Variants in HK1 observed in about 807,000 individuals in gnomAD.
HK1 encodes the protein hexokinase-1.
Under a neutral mutation model 91.6 loss-of-function variants are expected in HK1, and 28 were observed. The observed-to-expected ratio is 0.31, with a 90% CI of 0.23 to 0.42. The LOEUF is 0.42. HK1 is among the 10% of genes least tolerant of loss of function. The pLI is 1.00. For synonymous variants in HK1, 430 were observed against 468.1 expected (o/e 0.92, Z 1.05); for missense variants, 770 against 1,219.8 (o/e 0.63, Z 5.49).
chr10:69,332,385 T>TCTTTC (rs59129383), intron 1 of HK1, among the ~76,000 whole-genome samples: 1 of 133,434 alleles, frequency 7.5e-6, no homozygotes, highest in Non-Finnish European at 1.5e-5. Context: ...TTCTTTCTTT[T>TCTTTC]TTTCTTTTTT....
In HK1 at chr10:69,363,826, T is replaced by C. The variant is rs922302546; in HGVS notation, c.376-957T>C. Among the ~76,000 whole-genome samples the C allele has an allele frequency of 2.0e-5, 3 of 152,328 alleles. No homozygotes were observed. The East Asian group carries it at 5.8e-4, about 29-fold the overall frequency. ...CTTTCTAGCAGATTCCTAAGATATG[T>C]ATGTACCTGATAAGTCATAGATAAC... On this transcript the variant is annotated intron_variant, in intron 3 of 17. Transcript: ENST00000359426.
At position 69,276,430 on chromosome 10, in the gene HK1, G is replaced by A. The variant is rs185401404; in HGVS notation, c.-390-6099G>A. On this transcript the variant is annotated intron_variant, in intron 1 of 21. Transcript: ENST00000360289. ...TCCCAGCACTTTGGGAGGCCGAGGC[G>A]GGTGGATCACCTGAGGTTGTGAGTT... Among the ~76,000 whole-genome samples, 433 of 151,508 alleles carry A rather than the reference G, an allele frequency of 2.9e-3. 2 individuals carry two copies. Among genetic ancestry groups the A allele is most frequent in the Middle Eastern group, 0.01 (3 of 292 alleles).
chr10:69,382,622 C>T lies in HK1; in HGVS notation c.1401C>T (p.His467=). ...TAVAYRLAEQ[H]RQIEETLAHF... ...TGGCCTACCGCTTGGCCGAGCAGCA[C>T]CGGCAGATAGAGGAGACCCTGGCTC... The change falls in exon 10 of 18, where the codon CAC becomes CAT. Residue 467 remains histidine, a synonymous_variant. Transcript: ENST00000359426. 1 of 1,614,190 alleles carries T rather than the reference C, an allele frequency of 6.2e-7. No homozygotes were observed. Among genetic ancestry groups the T allele is most frequent in the Admixed American group, 1.7e-5 (1 of 60,026 alleles).
At chr10:69,304,479 T>C (rs955401826) in intron 5 of HK1, among the ~76,000 whole-genome samples, 4 of 152,078 alleles carry the variant, frequency 2.6e-5, no homozygotes, top group Non-Finnish European at 2.9e-5. Context: ...AGCTAATTTT[T>C]GTATTTTTAG....
chr10:69,349,728 G>A (rs1293605904), intron 2 of HK1, among the ~76,000 whole-genome samples: 1 of 152,168 alleles, frequency 6.6e-6, no homozygotes, highest in Non-Finnish European at 1.5e-5. Context: ...TCTGAATCAG[G>A]GAGCCAACCC....
At position 69,379,076 on chromosome 10, in the gene HK1, T is replaced by C. The variant is rs529968077; in HGVS notation, c.1032-786T>C. On this transcript the variant is annotated intron_variant, in intron 8 of 17. Coordinates refer to ENST00000359426, the MANE Select transcript of HK1 (RefSeq NM_000188.3). ...ATTGCACATACAGATGTTTGCTGGGTATATTCACTGTACATTTTATTTAAT... is the reference window on the plus strand; with the variant it reads ...ATTGCACATACAGATGTTTGCTGGGCATATTCACTGTACATTTTATTTAAT... Among the ~76,000 whole-genome samples, 16 of 152,292 alleles carry C rather than the reference T, an allele frequency of 1.1e-4. No homozygotes were observed. In the South Asian group the frequency reaches 3.1e-3, roughly 30 times the overall value.
At chr10:69,292,333 A>T in intron 3 of HK1, 1 of 443,618 alleles carries the variant, frequency 2.3e-6, no homozygotes, top group South Asian at 1.6e-5. Context: ...TCAGCCTCCT[A>T]AAGTGCTGGG....
intron 2 of HK1, among the ~76,000 whole-genome samples, chr10:69,349,931 G>A (rs1351038556): frequency 6.6e-6 from 1 of 152,216 alleles, no homozygotes; most frequent in East Asian, 1.9e-4. Flanking sequence ...GCTGTGAGTT[G>A]ACTTCTGTAT....
intron 3 of HK1, among the ~76,000 whole-genome samples, chr10:69,290,412 T>G (rs1369139229): frequency 1.3e-5 from 2 of 152,228 alleles, no homozygotes; most frequent in Non-Finnish European, 2.9e-5. Context: ...TAGCTTACAA[T>G]GCCCTCTTCA....
At chr10:69,342,513 G>A (rs950601920) in intron 1 of HK1, among the ~76,000 whole-genome samples, 1 of 152,218 alleles carries the variant, frequency 6.6e-6, no homozygotes, top group East Asian at 1.9e-4. Context: ...AGAGCCTGGA[G>A]CACCTACTAG....
intron 17 of HK1, among the ~76,000 whole-genome samples, chr10:69,399,906 C>T (rs940655165): frequency 2.6e-5 from 4 of 152,144 alleles, no homozygotes; most frequent in African/African-American, 9.7e-5. Flanking sequence ...TAGACATTAC[C>T]TGCTTACCTC....
chr10:69,296,095 A>G (rs971064486), intron 4 of HK1: 4 of 222,770 alleles, frequency 1.8e-5, no homozygotes, highest in Non-Finnish European at 3.6e-5. Flanking sequence ...CTGCACTTCA[A>G]TATGGACAAG....
chr10:69,364,024 G>A (rs1223387545), intron 3 of HK1, among the ~76,000 whole-genome samples: 1 of 152,188 alleles, frequency 6.6e-6, no homozygotes, highest in African/African-American at 2.4e-5. Context: ...GAGCACACAC[G>A]GTCTCATTTC....
intron 14 of HK1, 158 bp downstream of exon 14, chr10:69,389,454 C>T (rs377418459): frequency 1.9e-5 from 11 of 573,952 alleles, no homozygotes; most frequent in South Asian, 1.3e-4. Flanking sequence ...TGGACGAAGG[C>T]AGCAGAGTCT....
chr10:69,401,834 G>C lies in HK1; in HGVS notation c.*699G>C, dbSNP rs138566183. 480 of 163,992 alleles carry C rather than the reference G, an allele frequency of 2.9e-3. 7 individuals are homozygous for C. The highest frequency in any genetic ancestry group is 0.013 in the East Asian group (67 of 5,334). The allele number at this position is 163,992 out of a possible 1,614,324, so 10.2% of individuals were successfully genotyped here. ...AATGCCATCACTGGAATTTCCCACCGCTTTGTGAGCCGTGTCGTATGACCT... is the reference window on the plus strand; with the variant it reads ...AATGCCATCACTGGAATTTCCCACCCCTTTGTGAGCCGTGTCGTATGACCT... On this transcript the variant is annotated 3_prime_UTR_variant, in exon 18 of 18. Transcript: ENST00000359426.
chr10:69,318,236 G>A (rs1361692911), upstream of HK1: 4 of 985,372 alleles, frequency 4.1e-6, no homozygotes, highest in Non-Finnish European at 4.8e-6. Context: ...GAAGACCCAG[G>A]TAGGCCGGTG....
At chr10:69,296,428 C>T (rs1042809074) in intron 4 of HK1, 1 of 152,264 alleles carries the variant, frequency 6.6e-6, no homozygotes, top group Non-Finnish European at 1.5e-5. Context: ...CCTCATTCCA[C>T]TGATTGCGTA....
intron 1 of HK1, among the ~76,000 whole-genome samples, chr10:69,325,216 T>C (rs1184512307): frequency 3.5e-5 from 5 of 144,540 alleles, no homozygotes; most frequent in Non-Finnish European, 7.6e-5. Context: ...CACTCCCGTC[T>C]AATTTTTTGT....
chr10:69,333,626 G>T (rs561667809), intron 1 of HK1, among the ~76,000 whole-genome samples: 1 of 152,002 alleles, frequency 6.6e-6, no homozygotes, highest in African/African-American at 2.4e-5. Flanking sequence ...GGGAGCTGAA[G>T]TTGGAGTGCC....
Sources: allele counts gnomAD v4.1 joint callset (sites outside exome capture counted in the v4.1 genomes callset), GRCh38; gene constraint gnomAD v4.1.1; transcripts MANE v1.5; gene names NCBI Gene and HGNC (gene_info 2026-07-23, HGNC 2026-07-21).